Variants in SETDB2 observed in about 807,000 individuals in gnomAD.
SETDB2 encodes SET domain bifurcated histone lysine methyltransferase 2.
Under a neutral mutation model 82.5 loss-of-function variants are expected in SETDB2, and 56 were observed. The observed-to-expected ratio is 0.68, with a 90% CI of 0.55 to 0.85. The LOEUF is 0.85. Among genes scored for constraint, SETDB2 ranks in the 40% least tolerant of loss-of-function variants. The pLI, the probability that SETDB2 is intolerant of heterozygous loss-of-function variation, is 0.00. For synonymous variants in SETDB2, 272 were observed against 284.9 expected, an observed-to-expected ratio of 0.95 and a Z score of 0.46; for missense variants, 677 against 816.4, an observed-to-expected ratio of 0.83 and a Z score of 2.08.
intron 2 of SETDB2, among the ~76,000 whole-genome samples, chr13:49,456,774 G>T (rs906453183): frequency 4.6e-5 from 7 of 152,236 alleles, no homozygotes; most frequent in Non-Finnish European, 1.0e-4. Flanking sequence ...TAGTCTCCTT[G>T]TGCACAGAAG....
intron 10 of SETDB2, 117 bp downstream of exon 10, chr13:49,483,680 G>C: frequency 2.2e-6 from 1 of 456,212 alleles, no homozygotes; most frequent in Non-Finnish European, 3.8e-6. Flanking sequence ...CCAGGCTGGA[G>C]TGTGGTGGCA....
chr13:49,473,699 G>T (rs1020995520), intron 5 of SETDB2, among the ~76,000 whole-genome samples: 1 of 152,112 alleles, frequency 6.6e-6, no homozygotes, highest in Non-Finnish European at 1.5e-5. Context: ...CTATAAATCT[G>T]TAAGTGTATA....
chr13:49,491,843 A>G lies in SETDB2; in HGVS notation c.2118A>G (p.Ile706Met). 1.9e-6 allele frequency: 3 copies of G among 1,591,374 alleles called. No homozygotes were observed. Among genetic ancestry groups the G allele is most frequent in the Non-Finnish European group, 2.6e-6 (3 of 1,159,832 alleles). The change falls in exon 14 of 14, where the codon ATA becomes ATG. Residue 706 changes from isoleucine to methionine, a missense_variant. Ile to Met is a conservative substitution (Grantham distance 10). Transcript: ENST00000611815. ...GGGTTAATAAATGTAGAAAAAAAAT[A>G]TTATAAATATGTAACTAACGCCTGT... ...QCGVNKCRKK[I>M]L
chr13:49,451,183 A>G (rs1957778926), intron 1 of SETDB2, among the ~76,000 whole-genome samples: 1 of 151,202 alleles, frequency 6.6e-6, no homozygotes. Flanking sequence ...GTATTCCTTG[A>G]ATCTTTCGTA....
chr13:49,472,502 A>C (rs2138920064), intron 5 of SETDB2, among the ~76,000 whole-genome samples: 1 of 152,180 alleles, frequency 6.6e-6, no homozygotes, highest in Admixed American at 6.5e-5. Context: ...CTTACTCCTT[A>C]TCCTGTGTTT....
Position 49,477,044 on chromosome 13 carries a change from G to C in SETDB2, c.869+5G>C. On this transcript the variant is annotated splice_donor_5th_base_variant and intron_variant, in intron 6 of 13. Coordinates refer to ENST00000611815, the MANE Select transcript of SETDB2 (RefSeq NM_001160308.3). ...CTCTGAGGGCTGCATAGACATGTGAGTAGAAAAACATGGCGTTTCAAAAAA... is the reference window on the plus strand; with the variant it reads ...CTCTGAGGGCTGCATAGACATGTGACTAGAAAAACATGGCGTTTCAAAAAA... 6.4e-7 allele frequency: 1 copy of C among 1,558,522 alleles called. No homozygotes were observed. Among genetic ancestry groups the C allele is most frequent in the Non-Finnish European group, 8.6e-7 (1 of 1,161,380 alleles).
rs540858672 is a variant in SETDB2, at chr13:49,478,158, G to T, written c.869+1119G>T. Among the ~76,000 whole-genome samples the T allele has an allele frequency of 5.3e-5, 8 of 152,320 alleles. No homozygotes were observed. The East Asian group carries it at 1.5e-3, about 29-fold the overall frequency. ...GTGTAAAATGAGAGCTATATCTACT[G>T]TTACCTCAGTTTGGCTCAGTTCCTT... On this transcript the variant is annotated intron_variant, in intron 6 of 13. Coordinates refer to ENST00000611815, the MANE Select transcript of SETDB2 (RefSeq NM_001160308.3).
At chr13:49,454,051 A>G (rs749328880) in intron 2 of SETDB2, among the ~76,000 whole-genome samples, 26 of 152,122 alleles carry the variant, frequency 1.7e-4, no homozygotes, top group Non-Finnish European at 3.5e-4. Context: ...CTCCAGTAGT[A>G]AAAAACTTAG....
chr13:49,483,025 C>A, intron 9 of SETDB2, 63 bp downstream of exon 9: 1 of 1,011,724 alleles, frequency 9.9e-7, no homozygotes, highest in Non-Finnish European at 1.5e-6. Context: ...GGTTCTTTTT[C>A]ATTCCTTCCC....
At chr13:49,490,710 A>G (rs1243259505) in intron 12 of SETDB2, 112 bp from the exon 13 acceptor site, 4 of 709,026 alleles carry the variant, frequency 5.6e-6, no homozygotes, top group Admixed American at 3.2e-5. Flanking sequence ...ATTGACAAAA[A>G]AAGAACAAAA....
Position 49,461,116 on chromosome 13 carries a change from T to A in SETDB2, c.162T>A (p.Ile54=). The A allele has an allele frequency of 6.2e-7, 1 of 1,611,894 alleles. No individual in the cohort carries two copies. Among genetic ancestry groups the A allele is most frequent in the South Asian group, 1.1e-5 (1 of 90,944 alleles). ...ATNKEYIQAM[I]LVNEATIINS... Reference sequence around the variant, plus strand: ...TAACAGAATACATCCAAGCAATGATTCTAGTGAATGAAGCAACTATAATTA... The same window carrying A: ...TAACAGAATACATCCAAGCAATGATACTAGTGAATGAAGCAACTATAATTA... Residue 54 remains isoleucine, a synonymous_variant, in exon 4 of 14, where the codon ATT becomes ATA. Coordinates refer to ENST00000611815, the MANE Select transcript of SETDB2 (RefSeq NM_001160308.3).
At chr13:49,490,329 C>T (rs1031540523) in intron 12 of SETDB2, among the ~76,000 whole-genome samples, 1 of 148,996 alleles carries the variant, frequency 6.7e-6, no homozygotes, top group Admixed American at 6.7e-5. Flanking sequence ...TATTAATACC[C>T]AGAGCTTCTC....
intron 4 of SETDB2, among the ~76,000 whole-genome samples, chr13:49,463,453 A>G (rs758634257): frequency 2.2e-4 from 34 of 152,296 alleles, no homozygotes; most frequent in East Asian, 1.9e-4. Context: ...CAAAGACAGC[A>G]CTTGACTTTT....
At chr13:49,475,903 T>TGGTAC (rs1958347613) in intron 5 of SETDB2, among the ~76,000 whole-genome samples, 1 of 152,152 alleles carries the variant, frequency 6.6e-6, no homozygotes, top group South Asian at 2.1e-4. Flanking sequence ...AGAATTAAGT[T>TGGTAC]GGTACTATTG....
intron 5 of SETDB2, among the ~76,000 whole-genome samples, chr13:49,469,522 T>C (rs1958185018): frequency 6.6e-6 from 1 of 152,198 alleles, no homozygotes; most frequent in African/African-American, 2.4e-5. Context: ...ATTCAAAATA[T>C]TTAGAAGCCA....
chr13:49,478,024 T>G (rs1958405366), intron 6 of SETDB2, among the ~76,000 whole-genome samples: 1 of 152,220 alleles, frequency 6.6e-6, no homozygotes, highest in African/African-American at 2.4e-5. Context: ...TATGTACTTT[T>G]AATTTAATGC....
chr13:49,489,392 A>G (rs753131147), intron 12 of SETDB2: 2 of 152,072 alleles, frequency 1.3e-5, no homozygotes, highest in Non-Finnish European at 2.9e-5. Context: ...TCAGCAAAGA[A>G]ATTTGTTGCT....
chr13:49,468,840 T>A (rs532345860), intron 5 of SETDB2, among the ~76,000 whole-genome samples: 13 of 152,090 alleles, frequency 8.5e-5, no homozygotes, highest in African/African-American at 3.1e-4. Flanking sequence ...ACACTTTAGC[T>A]CCTTAATTGG....
At chr13:49,490,249 C>T (rs1958684452) in intron 12 of SETDB2, among the ~76,000 whole-genome samples, 1 of 135,354 alleles carries the variant, frequency 7.4e-6, no homozygotes, top group Non-Finnish European at 1.5e-5. Flanking sequence ...CACTGCACTC[C>T]AGCCTGGGCG....
Sources: allele counts gnomAD v4.1 joint callset (sites outside exome capture counted in the v4.1 genomes callset), GRCh38; gene constraint gnomAD v4.1.1; transcripts MANE v1.5; gene names NCBI Gene and HGNC (gene_info 2026-07-23, HGNC 2026-07-21).